Variants in ST6GALNAC5 observed in about 807,000 individuals in gnomAD.
ST6GALNAC5 encodes ST6 N-acetylgalactosaminide alpha-2,6-sialyltransferase 5.
A neutral mutation model predicts 33.6 loss-of-function variants in ST6GALNAC5; 27 were observed. The ratio of observed to expected loss-of-function variants is 0.80; its 90% CI spans 0.59 to 1.11. The LOEUF (loss-of-function observed/expected upper bound fraction) is 1.11. Among genes scored for constraint, ST6GALNAC5 ranks in the 50% least tolerant of loss-of-function variants. The pLI, the probability that ST6GALNAC5 is intolerant of heterozygous loss-of-function variation, is 0.00. For missense variants in ST6GALNAC5, 428 were observed against 454.0 expected (o/e 0.94, Z 0.52); for synonymous variants, 194 against 171.2 (o/e 1.13, Z -1.04).
In ST6GALNAC5 at chr1:76,961,418, T is replaced by A. The variant is rs1260292973; in HGVS notation, c.262-82786T>A. On this transcript the variant is annotated intron_variant, in intron 2 of 4. Transcript: ENST00000477717. ...GAAAAAAAGACAAGGAACGTGAAAA[T>A]TGGGTGATGTCAGCCTCCCTTGGAT... 2.6e-5 allele frequency among the ~76,000 whole-genome samples: 4 copies of A among 152,232 alleles called. 1 individual carries two copies. The South Asian group carries it at 8.3e-4, about 32-fold the overall frequency.
intron 2 of ST6GALNAC5, among the ~76,000 whole-genome samples, chr1:76,930,687 ATCTAACATATGAAAAC>A (rs1278498473): frequency 1.3e-5 from 2 of 152,162 alleles, no homozygotes; most frequent in African/African-American, 4.8e-5. Flanking sequence ...CTTGAAATAA[ATCTAACATATGAAAAC>A]TCAAGCTTCT....
intron 2 of ST6GALNAC5, among the ~76,000 whole-genome samples, chr1:76,950,914 G>C (rs534431328): frequency 1.3e-5 from 2 of 151,970 alleles, no homozygotes; most frequent in African/African-American, 4.8e-5. Flanking sequence ...AGGTGAAGAC[G>C]AGGAATGTGA....
At chr1:77,009,897 A>G (rs963041543) in intron 2 of ST6GALNAC5, among the ~76,000 whole-genome samples, 2 of 152,086 alleles carry the variant, frequency 1.3e-5, no homozygotes, top group Non-Finnish European at 2.9e-5. Context: ...CCCATTTGCT[A>G]TTCTTTCCAA....
At chr1:77,016,226 T>C (rs1391816242) in intron 2 of ST6GALNAC5, among the ~76,000 whole-genome samples, 1 of 67,202 alleles carries the variant, frequency 1.5e-5, no homozygotes, top group Non-Finnish European at 2.8e-5. Context: ...CTGTATCTCC[T>C]CCCCCTCCTC....
rs146867777 is a variant in ST6GALNAC5 at position 76,999,263 on chromosome 1, A to G, written c.262-44941A>G. On this transcript the variant is annotated intron_variant, in intron 2 of 4. Coordinates refer to ENST00000477717, the MANE Select transcript of ST6GALNAC5 (RefSeq NM_030965.3). ...AAAAAGGGATTTAGGTACTGAATTT[A>G]ATCCTTTAAATGGCCAATATCTTGT... Among the ~76,000 whole-genome samples, 957 of 152,286 alleles carry G rather than the reference A, an allele frequency of 6.3e-3. 10 individuals are homozygous for G. Among genetic ancestry groups the G allele is most frequent in the African/African-American group, 0.021 (884 of 41,552 alleles).
At chr1:76,881,904 G>T (rs967101767) in intron 2 of ST6GALNAC5, among the ~76,000 whole-genome samples, 2 of 152,192 alleles carry the variant, frequency 1.3e-5, no homozygotes, top group African/African-American at 4.8e-5. Context: ...CAGAGTGGTT[G>T]TGTGATTTGC....
intron 2 of ST6GALNAC5, among the ~76,000 whole-genome samples, chr1:76,988,891 C>T (rs1360300519): frequency 6.6e-6 from 1 of 152,088 alleles, no homozygotes; most frequent in African/African-American, 2.4e-5. Flanking sequence ...AATATTGCTC[C>T]AGTTTTTGAA....
At position 76,872,119 on chromosome 1, in the gene ST6GALNAC5, C is replaced by A. The variant is rs1698824; in HGVS notation, c.261+3377C>A. Among the ~76,000 whole-genome samples the A allele has an allele frequency of 9.8e-3, 1,178 of 119,764 alleles. 14 individuals are homozygous for A. The highest frequency in any genetic ancestry group is 0.042 in the African/African-American group (1,101 of 26,378). The allele number at this position is 119,764 out of a possible 152,430, so 78.6% of individuals were successfully genotyped here. On this transcript the variant is annotated intron_variant, in intron 2 of 4. Transcript: ENST00000477717. ...CACACACACACACACACACACACACCACACACATTAAATCAAGAAATACTC... is the reference window on the plus strand; with the variant it reads ...CACACACACACACACACACACACACAACACACATTAAATCAAGAAATACTC...
At chr1:77,019,399 T>C (rs892856169) in intron 2 of ST6GALNAC5, among the ~76,000 whole-genome samples, 6 of 152,188 alleles carry the variant, frequency 3.9e-5, no homozygotes, top group African/African-American at 1.4e-4. Flanking sequence ...CATCACTGTG[T>C]TCTGTTCTCA....
Position 77,060,536 on chromosome 1 carries a change from C to T in ST6GALNAC5, c.780-2439C>T, listed in dbSNP as rs147879354. On this transcript the variant is annotated intron_variant, in intron 4 of 4. Coordinates refer to ENST00000477717, the MANE Select transcript of ST6GALNAC5 (RefSeq NM_030965.3). Reference sequence around the variant, plus strand: ...TTCCTGCAGTTTCCAGCGCTGCCTTCTGAGTCCCAGAAAGCACTTTTCTGC... The same window carrying T: ...TTCCTGCAGTTTCCAGCGCTGCCTTTTGAGTCCCAGAAAGCACTTTTCTGC... Among the ~76,000 whole-genome samples, 77 of 152,304 alleles carry T rather than the reference C, an allele frequency of 5.1e-4. No individual in the cohort carries two copies. In the East Asian group the frequency reaches 0.013, roughly 25 times the overall value.
chr1:77,044,420 C>T lies in ST6GALNAC5; in HGVS notation c.478C>T (p.Leu160Phe), dbSNP rs1490229305. 6.2e-7 allele frequency: 1 copy of T among 1,613,260 alleles called. No individual in the cohort carries two copies. The highest frequency in any genetic ancestry group is 8.5e-7 in the Non-Finnish European group (1 of 1,179,632). The change falls in exon 3 of 5, where the codon CTC becomes TTC. Residue 160 changes from leucine to phenylalanine, a missense_variant. Transcript: ENST00000477717. ...QRILRNRHDL[L>F]NVSQGTVFIF... ...GATCCTCCGCAACCGCCATGACCTG[C>T]TCAACGTGAGCCAGGGCACCGTGTT...
intron 4 of ST6GALNAC5, chr1:77,060,024 T>G (rs1050705719): frequency 6.6e-6 from 1 of 152,160 alleles, no homozygotes; most frequent in African/African-American, 2.4e-5. Context: ...GTCTATGGGG[T>G]TGGAGCATAG....
intron 4 of ST6GALNAC5, among the ~76,000 whole-genome samples, chr1:77,052,917 C>CAAAAA (rs34398611): frequency 1.0e-4 from 7 of 69,976 alleles, no homozygotes; most frequent in Non-Finnish European, 1.3e-4. Flanking sequence ...GGCTCTGTCT[C>CAAAAA]AAAAAAAAAA....
At chr1:77,003,860 T>C (rs1403734532) in intron 2 of ST6GALNAC5, among the ~76,000 whole-genome samples, 29 of 146,654 alleles carry the variant, frequency 2.0e-4, no homozygotes, top group African/African-American at 6.1e-4. Flanking sequence ...CCGAGAGATC[T>C]GCTGTTAGTC....
At chr1:76,912,003 A>T (rs974289837) in intron 2 of ST6GALNAC5, among the ~76,000 whole-genome samples, 2 of 151,860 alleles carry the variant, frequency 1.3e-5, no homozygotes, top group Admixed American at 6.6e-5. Context: ...TCTAGTTCTT[A>T]TAATTGTGAT....
At chr1:76,939,437 T>G (rs955600835) in intron 2 of ST6GALNAC5, among the ~76,000 whole-genome samples, 29 of 152,032 alleles carry the variant, frequency 1.9e-4, no homozygotes, top group African/African-American at 6.8e-4. Context: ...GAAATGCTGT[T>G]TCCAGAACAG....
chr1:76,911,872 C>T (rs539775196), intron 2 of ST6GALNAC5, among the ~76,000 whole-genome samples: 7 of 152,128 alleles, frequency 4.6e-5, no homozygotes, highest in Non-Finnish European at 7.3e-5. Flanking sequence ...TTTCAAAAAA[C>T]CAGCTCCTGG....
intron 3 of ST6GALNAC5, among the ~76,000 whole-genome samples, chr1:77,045,238 A>AT (rs1269500627): frequency 6.6e-6 from 1 of 152,136 alleles, no homozygotes. Context: ...GCACTGAAAG[A>AT]TTTTTTTTCT....
At chr1:76,915,862 G>A (rs1331351033) in intron 2 of ST6GALNAC5, among the ~76,000 whole-genome samples, 2 of 145,378 alleles carry the variant, frequency 1.4e-5, no homozygotes, top group African/African-American at 2.6e-5. Context: ...ATTAAAAAAA[G>A]AATGAAAAAT....
Sources: gnomAD v4.1 joint callset for allele counts (sites outside exome capture counted in the v4.1 genomes callset) on GRCh38, gnomAD v4.1.1 for gene constraint, MANE v1.5 for transcripts, NCBI Gene and HGNC (gene_info 2026-07-23, HGNC 2026-07-21) for gene names.